SPAG16: variants seen among roughly 807,000 people sequenced by gnomAD.
The protein encoded by SPAG16 is sperm associated antigen 16, also known as sperm-associated antigen 16 protein.
In SPAG16, 86 loss-of-function variants were observed where a neutral mutation model predicts 80.4. The observed-to-expected ratio is 1.07, with a 90% CI of 0.90 to 1.28. SPAG16 has a LOEUF of 1.28. SPAG16 is among the 50% of genes most tolerant of loss of function. The pLI is 0.00. For missense variants in SPAG16, 870 were observed against 765.3 expected (o/e 1.14, Z -1.61); for synonymous variants, 294 against 265.9 (o/e 1.11, Z -1.03).
At chr2:213,574,229 C>A (rs1421639177) in intron 10 of SPAG16, among the ~76,000 whole-genome samples, 1 of 152,050 alleles carries the variant, frequency 6.6e-6, no homozygotes, top group Non-Finnish European at 1.5e-5. Flanking sequence ...TTTCATCAGC[C>A]CTGCTGGGAC....
chr2:213,897,335 A>G (rs2077035726), intron 11 of SPAG16, among the ~76,000 whole-genome samples: 1 of 152,140 alleles, frequency 6.6e-6, no homozygotes. Flanking sequence ...AACCTTCAAT[A>G]AGTATATTAT....
At chr2:213,933,039 A>G (rs1055246916) in intron 12 of SPAG16, among the ~76,000 whole-genome samples, 1 of 151,914 alleles carries the variant, frequency 6.6e-6, no homozygotes, top group South Asian at 2.1e-4. Flanking sequence ...ACTTACATAA[A>G]TGAATAAAGA....
intron 9 of SPAG16, among the ~76,000 whole-genome samples, chr2:213,445,125 C>T (rs1006546732): frequency 2.0e-5 from 3 of 152,078 alleles, no homozygotes; most frequent in African/African-American, 7.2e-5. Context: ...CACTAAAACA[C>T]AGGTGACCAA....
intron 10 of SPAG16, among the ~76,000 whole-genome samples, chr2:213,725,548 G>C (rs1372823584): frequency 6.6e-6 from 1 of 152,094 alleles, no homozygotes; most frequent in Non-Finnish European, 1.5e-5. Flanking sequence ...CCCAAGATGG[G>C]GCTGATTGAG....
chr2:214,157,635 G>A (rs1413123360), intron 15 of SPAG16, among the ~76,000 whole-genome samples: 1 of 151,884 alleles, frequency 6.6e-6, no homozygotes, highest in African/African-American at 2.4e-5. Flanking sequence ...CATTCTGATT[G>A]GTTGGTGATC....
chr2:213,567,874 C>A (rs1379997916), intron 10 of SPAG16, among the ~76,000 whole-genome samples: 3 of 33,264 alleles, frequency 9.0e-5, no homozygotes, highest in African/African-American at 6.1e-4. Context: ...TCCTATTTCT[C>A]CGCATCCTCT....
At chr2:213,400,550 T>A (rs1310273048) in intron 9 of SPAG16, among the ~76,000 whole-genome samples, 1 of 152,174 alleles carries the variant, frequency 6.6e-6, no homozygotes, top group African/African-American at 2.4e-5. Flanking sequence ...TTCTTGGGAG[T>A]TGCTATGGCA....
intron 15 of SPAG16, among the ~76,000 whole-genome samples, chr2:214,249,864 G>A (rs1417135754): frequency 4.6e-5 from 7 of 152,140 alleles, no homozygotes; most frequent in African/African-American, 1.7e-4. Flanking sequence ...GACTAGCTAT[G>A]TTACAGTAAC....
At chr2:214,069,762 T>C (rs1280053425) in intron 13 of SPAG16, among the ~76,000 whole-genome samples, 3 of 151,970 alleles carry the variant, frequency 2.0e-5, no homozygotes, top group Admixed American at 6.6e-5. Context: ...TACTCATATA[T>C]ACTGAAGAAC....
chr2:213,813,175 A>C (rs1482096679), intron 10 of SPAG16, among the ~76,000 whole-genome samples: 1 of 152,214 alleles, frequency 6.6e-6, no homozygotes, highest in Non-Finnish European at 1.5e-5. Flanking sequence ...GTCACAAAAA[A>C]ATAGATGAAC....
chr2:214,192,018 G>T (rs962443661), intron 15 of SPAG16, among the ~76,000 whole-genome samples: 3 of 151,976 alleles, frequency 2.0e-5, no homozygotes, highest in Non-Finnish European at 4.4e-5. Context: ...CAAAAGAATG[G>T]ATTAGTAAGG....
At chr2:213,335,957 G>A (rs946801932) in intron 5 of SPAG16, among the ~76,000 whole-genome samples, 2 of 152,002 alleles carry the variant, frequency 1.3e-5, no homozygotes, top group African/African-American at 4.8e-5. Flanking sequence ...CACCAAGAAG[G>A]ATGAAAACAG....
chr2:214,247,724 A>G (rs1689947371), intron 15 of SPAG16, among the ~76,000 whole-genome samples: 2 of 152,126 alleles, frequency 1.3e-5, no homozygotes, highest in African/African-American at 4.8e-5. Context: ...AAATAAGAAC[A>G]GCTGATGTGA....
At chr2:214,200,276 G>T (rs972759702) in intron 15 of SPAG16, among the ~76,000 whole-genome samples, 1 of 152,050 alleles carries the variant, frequency 6.6e-6, no homozygotes, top group South Asian at 2.1e-4. Context: ...TGCCAATGTC[G>T]TTGAGGGTTT....
chr2:213,631,545 C>T (rs2062151937), intron 10 of SPAG16, among the ~76,000 whole-genome samples: 1 of 152,086 alleles, frequency 6.6e-6, no homozygotes. Flanking sequence ...GAAATTCCCC[C>T]TTGCTGTTCT....
At chr2:213,337,736 AACCTATG>A (rs2064445391) in intron 5 of SPAG16, among the ~76,000 whole-genome samples, 1 of 152,158 alleles carries the variant, frequency 6.6e-6, no homozygotes, top group African/African-American at 2.4e-5. Context: ...TAAAAAACCA[AACCTATG>A]ACTGATAGGA....
chr2:214,108,479 A>ACACACACAC (rs71409874), intron 14 of SPAG16, among the ~76,000 whole-genome samples: 9 of 52,414 alleles, frequency 1.7e-4, no homozygotes, highest in African/African-American at 3.6e-4. Flanking sequence ...ACACACACAC[A>ACACACACAC]CCCCCACACA....
At chr2:213,952,589 A>G (rs2079845735) in intron 12 of SPAG16, among the ~76,000 whole-genome samples, 1 of 152,122 alleles carries the variant, frequency 6.6e-6, no homozygotes. Flanking sequence ...ACACACAGAC[A>G]TACTCAAATT....
intron 15 of SPAG16, among the ~76,000 whole-genome samples, chr2:214,400,979 A>G (rs956325074): frequency 1.3e-5 from 2 of 152,092 alleles, no homozygotes; most frequent in Non-Finnish European, 2.9e-5. Context: ...ATTAATATAC[A>G]TAGTAAAAAA....
Sources: gnomAD v4.1 joint callset for allele counts (sites outside exome capture counted in the v4.1 genomes callset) on GRCh38, gnomAD v4.1.1 for gene constraint, MANE v1.5 for transcripts, NCBI Gene and HGNC (gene_info 2026-07-23, HGNC 2026-07-21) for gene names.